The following CPT2 variants were observed in gnomAD, a reference collection of about 807,000 sequenced individuals.
The protein encoded by CPT2 is carnitine palmitoyltransferase 2, also known as carnitine O-palmitoyltransferase 2, mitochondrial.
In CPT2, 37 loss-of-function variants were observed where a neutral mutation model predicts 48.6. That is an observed-to-expected ratio of 0.76 (90% CI 0.59 to 1.00). The LOEUF is 1.00. CPT2 is among the 50% of genes least tolerant of loss of function. The probability of loss-of-function intolerance (pLI) is 0.00; values close to 1 mark genes in which losing one functional copy is unlikely to be tolerated. For synonymous variants in CPT2, 319 were observed against 326.9 expected (o/e 0.98, Z 0.26); for missense variants, 772 against 825.6 (o/e 0.94, Z 0.80).
At position 53,197,074 on chromosome 1, in the gene CPT2, A is replaced by C. The variant is rs1370744119; in HGVS notation, c.131A>C (p.His44Pro). Residue 44 changes from histidine (H) to proline (P), a missense_variant, in exon 1 of 5, where the codon CAC becomes CCC. Coordinates refer to ENST00000371486, the MANE Select transcript of CPT2 (RefSeq NM_000098.3). ...CAGCGCAGCATCGTGCCCACCATGC[A>C]CTACCAGGACAGCCTGCCCAGGTGA... Reference protein sequence around the residue: ...YLQRSIVPTMHYQDSLPRLPI... With the variant: ...YLQRSIVPTMPYQDSLPRLPI... 8 of 1,539,072 alleles carry C rather than the reference A, an allele frequency of 5.2e-6. No homozygotes were observed. Among genetic ancestry groups the C allele is most frequent in the Non-Finnish European group, 7.0e-6 (8 of 1,146,458 alleles).
rs1228660333 is a variant in CPT2 at position 53,196,891 on chromosome 1, G to C, written c.-53G>C. ...AACGGCGGCGGCGGCCTTGTGTTTAGACTCCAGAACTCCCCACTTGCCGCG... is the reference window on the plus strand; with the variant it reads ...AACGGCGGCGGCGGCCTTGTGTTTACACTCCAGAACTCCCCACTTGCCGCG... On this transcript the variant is annotated 5_prime_UTR_variant, in exon 1 of 5. Transcript: ENST00000371486. 3 of 1,528,546 alleles carry C rather than the reference G, an allele frequency of 2.0e-6. No homozygotes were observed. Among genetic ancestry groups the C allele is most frequent in the South Asian group, 2.4e-5 (2 of 83,620 alleles). The allele number at this position is 1,528,546 out of a possible 1,614,324, so 94.7% of individuals were successfully genotyped here. A position where few individuals can be genotyped will look rare whatever the true frequency, so the allele number is the denominator to read the frequency against.
At chr1:53,213,238 C>CT (rs770492191) in intron 4 of CPT2, 26 bp from the exon 5 acceptor site, 11 of 1,612,996 alleles carry the variant, frequency 6.8e-6, no homozygotes, top group Non-Finnish European at 7.6e-6. Flanking sequence ...TCCTGAGACT[C>CT]TGGTTTTCCA....
intron 3 of CPT2, chr1:53,207,995 A>G (rs914562939): frequency 6.6e-6 from 1 of 152,334 alleles, no homozygotes. Flanking sequence ...TACCAGTTGC[A>G]TAAGTGCTTT....
chr1:53,204,869 A>G (rs1572382069), intron 3 of CPT2, among the ~76,000 whole-genome samples: 1 of 152,042 alleles, frequency 6.6e-6, no homozygotes, highest in Non-Finnish European at 1.5e-5. Context: ...CTTCCCCTTC[A>G]CCTTGCGCTG....
At chr1:53,201,249 G>A in intron 2 of CPT2, 1 of 244,756 alleles carries the variant, frequency 4.1e-6, no homozygotes. Flanking sequence ...TGGAATTAGG[G>A]TTGTGGCAGA....
rs750023143 is a variant in CPT2, at chr1:53,200,816, T to C, written c.233+17T>C. On this transcript the variant is annotated intron_variant, in intron 2 of 4. Transcript: ENST00000371486. ...CCAGTTCAGGTAAACACTGAGAACC[T>C]TGGGTGAGCATAGTTGGGGTGGTTC... 6.3e-6 allele frequency: 10 copies of C among 1,597,228 alleles called. No homozygotes were observed. The highest frequency in any genetic ancestry group is 4.5e-5 in the East Asian group (2 of 44,802).
chr1:53,201,321 T>C, intron 2 of CPT2: 1 of 175,804 alleles, frequency 5.7e-6, no homozygotes, highest in Non-Finnish European at 1.2e-5. Context: ...ATATGACTGG[T>C]GTCCTTGTAA....
At chr1:53,198,679 C>T (rs555304892) in intron 1 of CPT2, among the ~76,000 whole-genome samples, 8 of 152,316 alleles carry the variant, frequency 5.3e-5, no homozygotes, top group Middle Eastern at 3.4e-3. Flanking sequence ...ATTTTCTGCA[C>T]TTTAGAATTG....
chr1:53,212,744 C>T (rs938277297), intron 4 of CPT2: 1 of 409,402 alleles, frequency 2.4e-6, no homozygotes. Context: ...AAAGGGACCT[C>T]CAAGACATTC....
Position 53,210,985 on chromosome 1 carries a change from C to T in CPT2, c.1311C>T (p.Thr437=). ...ITAAKEKFDA[T]MKTLTIDCVQ... ...CTGCTAAGGAAAAGTTTGATGCCAC[C>T]ATGAAAACCCTCACTATTGACTGCG... Residue 437 remains threonine (T), a synonymous_variant, in exon 4 of 5, where the codon ACC becomes ACT. Transcript: ENST00000371486. The T allele has an allele frequency of 6.2e-7, 1 of 1,614,190 alleles. No homozygotes were observed. The highest frequency in any genetic ancestry group is 8.5e-7 in the Non-Finnish European group (1 of 1,180,040).
intron 1 of CPT2, among the ~76,000 whole-genome samples, chr1:53,199,609 AAATCTT>A (rs1365875759): frequency 2.0e-5 from 3 of 152,244 alleles, no homozygotes; most frequent in South Asian, 2.1e-4. Flanking sequence ...TAATAAAACT[AAATCTT>A]AAACATATGT....
chr1:53,198,000 C>A (rs1162523435), intron 1 of CPT2, among the ~76,000 whole-genome samples: 1 of 152,026 alleles, frequency 6.6e-6, no homozygotes, highest in Non-Finnish European at 1.5e-5. Context: ...AATCCTCTTC[C>A]CCTTCCCTCC....
chr1:53,202,238 ACT>A, intron 2 of CPT2, 83 bp from the exon 3 acceptor site: 1 of 1,075,930 alleles, frequency 9.3e-7, no homozygotes, highest in Non-Finnish European at 1.4e-6. Flanking sequence ...GGGACCCAAA[ACT>A]CTATTATGAG....
At position 53,196,842 on chromosome 1, in the gene CPT2, T is replaced by C; in HGVS notation, c.-102T>C. ...TGCGGGCGGAGAAGTGCCTCAGGAG[T>C]CCTGACGCAGTGTCTTGGGCGCTAA... On this transcript the variant is annotated 5_prime_UTR_variant, in exon 1 of 5. Coordinates refer to ENST00000371486, the MANE Select transcript of CPT2 (RefSeq NM_000098.3). 7.0e-7 allele frequency: 1 copy of C among 1,434,432 alleles called. No homozygotes were observed. Among genetic ancestry groups the C allele is most frequent in the South Asian group, 1.2e-5 (1 of 80,986 alleles). The allele number at this position is 1,434,432 out of a possible 1,614,324, so 88.9% of individuals were successfully genotyped here.
intron 3 of CPT2, chr1:53,209,202 A>G (rs1201716558): frequency 1.3e-5 from 2 of 152,120 alleles, no homozygotes; most frequent in African/African-American, 4.8e-5. Context: ...CTCTACCAAA[A>G]ATAAAAAAAT....
rs2100254731 is a variant in CPT2, at chr1:53,196,983, C to T, written c.40C>T (p.Pro14Ser). The T allele has an allele frequency of 2.0e-6, 3 of 1,527,568 alleles. No homozygotes were observed. Among genetic ancestry groups the T allele is most frequent in the East Asian group, 2.5e-5 (1 of 39,526 alleles). The allele number at this position is 1,527,568 out of a possible 1,614,324, so 94.6% of individuals were successfully genotyped here. ...GCTGCTGCGCGCCTGGCCCCGGGGCCCCGCGGTTGGTCCGGGAGCCCCCAG... is the reference window on the plus strand; with the variant it reads ...GCTGCTGCGCGCCTGGCCCCGGGGCTCCGCGGTTGGTCCGGGAGCCCCCAG... ...RLLLRAWPRG[P>S]AVGPGAPSRP... is the part of the protein sequence containing the mutation. Residue 14 changes from proline (P) to serine (S), a missense_variant, in exon 1 of 5, where the codon CCC (proline) becomes TCC (serine). Physicochemically the swap from Pro to Ser is moderately conservative, Grantham distance 74. Coordinates refer to ENST00000371486, the MANE Select transcript of CPT2 (RefSeq NM_000098.3).
At chr1:53,202,031 T>A in intron 2 of CPT2, 7 of 390,130 alleles carry the variant, frequency 1.8e-5, no homozygotes, top group South Asian at 1.6e-4. Flanking sequence ...AGACTTAACT[T>A]CTGTTGACTC....
Position 53,197,045 on chromosome 1 carries a change from C to G in CPT2, c.102C>G (p.Tyr34Ter), listed in dbSNP as rs1317793581. ...GCGCCGGCTCCGGGCCCGGCCAGTA[C>G]CTGCAGCGCAGCATCGTGCCCACCA... The part of the protein sequence containing the change: ...PLSAGSGPGQ[Y>*]LQRSIVPTMH... The change falls in exon 1 of 5, where the codon TAC becomes TAG. Residue 34 changes from tyrosine (Y) to a stop codon, truncating the protein, a stop_gained. Coordinates refer to ENST00000371486, the MANE Select transcript of CPT2 (RefSeq NM_000098.3). LOFTEE classifies it high-confidence loss of function. 1.3e-6 allele frequency: 2 copies of G among 1,538,684 alleles called. No homozygotes were observed. The highest frequency in any genetic ancestry group is 2.7e-5 in the African/African-American group (2 of 72,932).
chr1:53,207,046 G>T (rs1458980726), intron 3 of CPT2, among the ~76,000 whole-genome samples: 1 of 152,150 alleles, frequency 6.6e-6, no homozygotes, highest in Admixed American at 6.5e-5. Context: ...TGCTTTTCTT[G>T]TGATAGTGAG....
Sources: gnomAD v4.1 joint callset for allele counts (sites outside exome capture counted in the v4.1 genomes callset) on GRCh38, gnomAD v4.1.1 for gene constraint, MANE v1.5 for transcripts, NCBI Gene and HGNC (gene_info 2026-07-23, HGNC 2026-07-21) for gene names.